The following ADAMTSL1 variants were observed in gnomAD, a reference collection of about 807,000 sequenced individuals.
The protein encoded by ADAMTSL1 is ADAMTS-like protein 1.
A neutral mutation model predicts 201.8 loss-of-function variants in ADAMTSL1; 126 were observed. The observed-to-expected ratio is 0.62, with a 90% confidence interval of 0.54 to 0.72. ADAMTSL1 has a LOEUF of 0.72. ADAMTSL1 is among the 30% of genes least tolerant of loss of function. The probability of loss-of-function intolerance (pLI) is 0.00; values close to 1 mark genes in which losing one functional copy is unlikely to be tolerated. For synonymous variants in ADAMTSL1, 1,121 were observed against 903.4 expected (o/e 1.24, Z -4.32); for missense variants, 2,679 against 2,277.8 (o/e 1.18, Z -3.59).
chr9:18,068,054 A>G (rs1359625695), intron 1 of ADAMTSL1, among the ~76,000 whole-genome samples: 1 of 152,208 alleles, frequency 6.6e-6, no homozygotes, highest in Non-Finnish European at 1.5e-5. Flanking sequence ...AGTAATAATA[A>G]TAGCCATCTG....
chr9:18,303,441 A>G (rs1833781051), intron 2 of ADAMTSL1, among the ~76,000 whole-genome samples: 1 of 152,180 alleles, frequency 6.6e-6, no homozygotes, highest in South Asian at 2.1e-4. Flanking sequence ...GGAAAGGGGA[A>G]CATAAGCTGT....
intron 2 of ADAMTSL1, among the ~76,000 whole-genome samples, chr9:18,186,044 T>C (rs865800632): frequency 6.6e-6 from 1 of 152,312 alleles, no homozygotes; most frequent in African/African-American, 2.4e-5. Context: ...GAATAGTAAG[T>C]AAATATTTTA....
intron 10 of ADAMTSL1, among the ~76,000 whole-genome samples, chr9:18,679,758 A>G (rs375438387): frequency 1.3e-5 from 2 of 152,350 alleles, no homozygotes; most frequent in African/African-American, 4.8e-5. Flanking sequence ...GAATCTAAGT[A>G]GTCCCAAAGC....
chr9:18,078,508 G>T (rs1368218769), intron 1 of ADAMTSL1, among the ~76,000 whole-genome samples: 2 of 152,168 alleles, frequency 1.3e-5, no homozygotes, highest in Non-Finnish European at 2.9e-5. Flanking sequence ...CTCATCCAGG[G>T]TTGTGCTCAG....
chr9:18,125,726 A>G (rs1180789375), intron 1 of ADAMTSL1, among the ~76,000 whole-genome samples: 2 of 152,172 alleles, frequency 1.3e-5, no homozygotes, highest in East Asian at 1.9e-4. Context: ...TTGAAAGTCA[A>G]TTAACCACAA....
chr9:18,876,301 CGTGTGTGTGTGTGTGTGTGT>C, intron 23 of ADAMTSL1, among the ~76,000 whole-genome samples: 1 of 139,726 alleles, frequency 7.2e-6, no homozygotes, highest in South Asian at 2.4e-4. Flanking sequence ...TGCCTGAATA[CGTGTGTGTGTGTGTGTGTGT>C]GTGTGTGTGC....
chr9:18,566,785 AT>A (rs1363675632), intron 3 of ADAMTSL1, among the ~76,000 whole-genome samples: 2 of 152,266 alleles, frequency 1.3e-5, no homozygotes, highest in East Asian at 3.9e-4. Flanking sequence ...TCATAAGACC[AT>A]TCTGGCCACT....
intron 2 of ADAMTSL1, among the ~76,000 whole-genome samples, chr9:18,508,898 A>T (rs1371965162): frequency 7.0e-6 from 1 of 142,784 alleles, no homozygotes; most frequent in Non-Finnish European, 1.5e-5. Context: ...TAATTTAGAA[A>T]TAGAGGCCGG....
chr9:18,101,228 T>C (rs1460891212), intron 1 of ADAMTSL1, among the ~76,000 whole-genome samples: 2 of 152,092 alleles, frequency 1.3e-5, no homozygotes, highest in African/African-American at 2.4e-5. Context: ...CTGGACACGG[T>C]GGCTCACGTC....
At chr9:18,591,535 A>G (rs1823916292) in intron 4 of ADAMTSL1, among the ~76,000 whole-genome samples, 1 of 152,162 alleles carries the variant, frequency 6.6e-6, no homozygotes, top group Non-Finnish European at 1.5e-5. Context: ...ATCGATAAGT[A>G]AGGACTTCTT....
At chr9:18,750,816 G>A (rs1347037946) in intron 15 of ADAMTSL1, among the ~76,000 whole-genome samples, 2 of 152,198 alleles carry the variant, frequency 1.3e-5, no homozygotes, top group Admixed American at 1.3e-4. Flanking sequence ...GCTTGGGGCT[G>A]GAGGGTCTGC....
In ADAMTSL1 at chr9:18,158,385, C is replaced by T. The variant is rs112428755; in HGVS notation, c.88-5477C>T. Among the ~76,000 whole-genome samples, 653 of 151,946 alleles carry T rather than the reference C, an allele frequency of 4.3e-3. 6 individuals carry two copies. Among genetic ancestry groups the T allele is most frequent in the African/African-American group, 0.015 (622 of 41,462 alleles). On this transcript the variant is annotated intron_variant, in intron 1 of 29. Transcript: ENST00000680146. ...CAGTTGAATTACTGTTCAATTATTT[C>T]CCTATCTTGCTACAGTTGAATATTC...
At chr9:18,776,727 G>T (rs1374039644) in intron 18 of ADAMTSL1, 54 bp from the exon 19 acceptor site, 1 of 1,484,066 alleles carries the variant, frequency 6.7e-7, no homozygotes, top group African/African-American at 1.4e-5. Context: ...CTCACTCTGG[G>T]TTTTCTCTCT....
At chr9:18,100,660 A>G (rs1824474751) in intron 1 of ADAMTSL1, among the ~76,000 whole-genome samples, 1 of 151,122 alleles carries the variant, frequency 6.6e-6, no homozygotes, top group Non-Finnish European at 1.5e-5. Flanking sequence ...TTTTGATTCC[A>G]CTCCTAGTAG....
rs1820574685 is a variant in ADAMTSL1, at chr9:18,023,709, G to A, written c.87+116787G>A. Among the ~76,000 whole-genome samples the A allele has an allele frequency of 2.0e-5, 3 of 152,082 alleles. 1 individual carries two copies. In the South Asian group the frequency reaches 6.2e-4, roughly 32 times the overall value. ...CATCTATACATAATATTTCAGGTTA[G>A]GACATTTGTGTCCTTTTTCTGTTTC... On this transcript the variant is annotated intron_variant, in intron 1 of 29. Coordinates refer to the ADAMTSL1 transcript ENST00000680146.
chr9:18,169,096 G>A (rs559465805), intron 2 of ADAMTSL1, among the ~76,000 whole-genome samples: 1 of 121,376 alleles, frequency 8.2e-6, no homozygotes, highest in Non-Finnish European at 1.8e-5. Context: ...TCTGATGGTA[G>A]TTTGTTTTGC....
At chr9:18,275,758 G>A (rs2132603088) in intron 2 of ADAMTSL1, among the ~76,000 whole-genome samples, 2 of 152,156 alleles carry the variant, frequency 1.3e-5, no homozygotes, top group South Asian at 4.2e-4. Context: ...ATCCTTTAGT[G>A]AGTCATAGAC....
chr9:18,514,327 C>CTTTCTTTTTT (rs1554693081), intron 2 of ADAMTSL1, among the ~76,000 whole-genome samples: 2 of 100,104 alleles, frequency 2.0e-5, no homozygotes, highest in African/African-American at 3.9e-5. Context: ...ATTTTTCTTT[C>CTTTCTTTTTT]TTTTTTTTTT....
intron 1 of ADAMTSL1, among the ~76,000 whole-genome samples, chr9:18,082,535 T>C (rs1823549674): frequency 6.6e-6 from 1 of 152,150 alleles, no homozygotes; most frequent in African/African-American, 2.4e-5. Context: ...AGTCATGACA[T>C]TTTCAGCTTC....
Sources: allele counts gnomAD v4.1 joint callset (sites outside exome capture counted in the v4.1 genomes callset), GRCh38; gene constraint gnomAD v4.1.1; transcripts MANE v1.5; gene names NCBI Gene and HGNC (gene_info 2026-07-23, HGNC 2026-07-21).